CDH8: variants seen among roughly 807,000 people sequenced by gnomAD.
CDH8 encodes cadherin-8.
CDH8 carries 17 observed loss-of-function variants against 68.1 expected under a neutral mutation model. The ratio of observed to expected loss-of-function variants is 0.25; its 90% CI spans 0.17 to 0.37. The LOEUF (loss-of-function observed/expected upper bound fraction) is 0.37, where lower values mean the gene tolerates loss of function less well. CDH8 is among the 10% of genes least tolerant of loss of function. CDH8 has a pLI of 1.00. For missense variants in CDH8, 763 were observed against 999.3 expected, an observed-to-expected ratio of 0.76 and a Z score of 3.19; for synonymous variants, 372 against 365.1, an observed-to-expected ratio of 1.02 and a Z score of -0.21.
In CDH8 at chr16:61,727,160, A is replaced by G. The variant is rs1224728168; in HGVS notation, c.1470T>C (p.Asn490=). The G allele has an allele frequency of 6.2e-7, 1 of 1,610,410 alleles. No homozygotes were observed. Among genetic ancestry groups the G allele is most frequent in the Admixed American group, 1.7e-5 (1 of 59,694 alleles). The change falls in exon 9 of 12, where the codon AAT becomes AAC. Residue 490 remains asparagine, a synonymous_variant. Coordinates refer to ENST00000577390, the MANE Select transcript of CDH8 (RefSeq NM_001796.5). ...CGGATGCGAATTCAGGGGCGTTGTC[A>G]TTGACATCCAGCACTTTAATAGCAA... ...VPVAIKVLDV[N]DNAPEFASEY...
At chr16:61,870,231 A>G (rs1018339435) in intron 3 of CDH8, among the ~76,000 whole-genome samples, 8 of 152,214 alleles carry the variant, frequency 5.3e-5, no homozygotes, top group African/African-American at 1.9e-4. Context: ...CAGACAGGGC[A>G]TGCTGATGAG....
chr16:61,994,913 C>T (rs1965784581), intron 2 of CDH8, among the ~76,000 whole-genome samples: 1 of 152,212 alleles, frequency 6.6e-6, no homozygotes, highest in Admixed American at 6.5e-5. Flanking sequence ...CACTGCTGTT[C>T]ATGTTTCCTT....
At chr16:61,951,530 A>G (rs1369276245) in intron 2 of CDH8, among the ~76,000 whole-genome samples, 2 of 151,622 alleles carry the variant, frequency 1.3e-5, no homozygotes, top group Non-Finnish European at 2.9e-5. Context: ...AAAAAAAAAA[A>G]GATGCCATAT....
intron 10 of CDH8, among the ~76,000 whole-genome samples, chr16:61,683,738 T>C (rs1486750728): frequency 2.0e-5 from 3 of 151,996 alleles, no homozygotes; most frequent in African/African-American, 7.2e-5. Context: ...CCATTAAGAG[T>C]CTTATAGATG....
intron 2 of CDH8, among the ~76,000 whole-genome samples, chr16:61,939,917 T>C (rs1227700254): frequency 6.6e-6 from 1 of 152,110 alleles, no homozygotes; most frequent in Non-Finnish European, 1.5e-5. Flanking sequence ...CTAGAGCACA[T>C]AGACTCCAAG....
intron 2 of CDH8, among the ~76,000 whole-genome samples, chr16:61,994,100 C>G (rs1965772914): frequency 6.6e-6 from 1 of 152,070 alleles, no homozygotes; most frequent in South Asian, 2.1e-4. Flanking sequence ...AGCTGTGGGG[C>G]TAAGTATATG....
chr16:61,999,696 C>T (rs1965861232), intron 2 of CDH8, among the ~76,000 whole-genome samples: 1 of 152,078 alleles, frequency 6.6e-6, no homozygotes, highest in African/African-American at 2.4e-5. Context: ...ACATGCATAT[C>T]GCTTTCCGTG....
At chr16:61,835,850 A>G (rs1159683982) in intron 4 of CDH8, among the ~76,000 whole-genome samples, 1 of 151,996 alleles carries the variant, frequency 6.6e-6, no homozygotes. Context: ...AGAAGAGAAC[A>G]GCAGAGTTGT....
intron 3 of CDH8, among the ~76,000 whole-genome samples, chr16:61,887,067 C>T (rs1963688266): frequency 1.3e-5 from 2 of 152,282 alleles, no homozygotes; most frequent in South Asian, 2.1e-4. Flanking sequence ...CCCTTTTTCA[C>T]ACAAACTTTC....
At chr16:61,910,835 T>C (rs1364554440) in intron 2 of CDH8, among the ~76,000 whole-genome samples, 1 of 152,186 alleles carries the variant, frequency 6.6e-6, no homozygotes, top group Non-Finnish European at 1.5e-5. Flanking sequence ...ATATACAACA[T>C]TGATTTGTAG....
At chr16:61,667,257 G>A (rs1963698176) in intron 10 of CDH8, 1 of 151,748 alleles carries the variant, frequency 6.6e-6, no homozygotes, top group African/African-American at 2.4e-5. Context: ...ATTTAGTAAT[G>A]TGGTATATCT....
chr16:61,714,197 C>T, intron 9 of CDH8: 2 of 458,220 alleles, frequency 4.4e-6, no homozygotes, highest in Non-Finnish European at 7.7e-6. Flanking sequence ...CATTTGGTGT[C>T]TGTGGCTTGA....
intron 10 of CDH8, among the ~76,000 whole-genome samples, chr16:61,684,314 C>T (rs1431058890): frequency 6.6e-6 from 1 of 151,938 alleles, no homozygotes. Context: ...GTGTAAATTA[C>T]TATGTTGCTA....
intron 8 of CDH8, among the ~76,000 whole-genome samples, chr16:61,727,763 G>A (rs926617212): frequency 2.0e-4 from 30 of 150,924 alleles, no homozygotes; most frequent in African/African-American, 6.8e-4. Flanking sequence ...ATTGACCCTG[G>A]AATATTTTTG....
At chr16:61,951,052 TA>T (rs926182429) in intron 2 of CDH8, among the ~76,000 whole-genome samples, 22 of 151,714 alleles carry the variant, frequency 1.5e-4, no homozygotes, top group Admixed American at 7.2e-4. Flanking sequence ...AAATAAAAGT[TA>T]AAAAAAACCT....
chr16:61,943,107 C>T (rs987103890), intron 2 of CDH8, among the ~76,000 whole-genome samples: 1 of 152,108 alleles, frequency 6.6e-6, no homozygotes, highest in Non-Finnish European at 1.5e-5. Flanking sequence ...AACACCAATA[C>T]AGAAAATATT....
intron 10 of CDH8, among the ~76,000 whole-genome samples, chr16:61,712,817 T>C (rs1035042875): frequency 2.0e-5 from 3 of 151,658 alleles, no homozygotes; most frequent in East Asian, 3.9e-4. Context: ...CAGAACTATG[T>C]AGCATTTTGT....
At chr16:61,910,441 A>G (rs955716133) in intron 2 of CDH8, among the ~76,000 whole-genome samples, 5 of 152,110 alleles carry the variant, frequency 3.3e-5, no homozygotes, top group Non-Finnish European at 7.4e-5. Flanking sequence ...GGGCTTGGAA[A>G]TCAATATGTT....
chr16:61,662,087 GTTT>G, intron 10 of CDH8, among the ~76,000 whole-genome samples: 2,583 of 92,830 alleles, frequency 0.028, 45 homozygotes, highest in Non-Finnish European at 0.041. Context: ...TTTTACTTTA[GTTT>G]TTTTTTTTTT....
Sources: allele counts gnomAD v4.1 joint callset (sites outside exome capture counted in the v4.1 genomes callset), GRCh38; gene constraint gnomAD v4.1.1; transcripts MANE v1.5; gene names NCBI Gene and HGNC (gene_info 2026-07-23, HGNC 2026-07-21).